Variants in ALDH3A1 observed in about 807,000 individuals in gnomAD.
ALDH3A1 encodes the protein aldehyde dehydrogenase, dimeric NADP-preferring.
A neutral mutation model predicts 49.9 loss-of-function variants in ALDH3A1; 46 were observed. The observed-to-expected ratio is 0.92, with a 90% CI of 0.73 to 1.18. The LOEUF (loss-of-function observed/expected upper bound fraction) is 1.18. Ranked by LOEUF, ALDH3A1 falls within the 50% of genes most tolerant of loss-of-function variation. The pLI is 0.00. For missense variants in ALDH3A1, 592 were observed against 611.8 expected, an observed-to-expected ratio of 0.97 and a Z score of 0.34; for synonymous variants, 269 against 253.3, an observed-to-expected ratio of 1.06 and a Z score of -0.59.
Position 19,748,268 on chromosome 17 carries a change from A to G in ALDH3A1, c.-15T>C, listed in dbSNP as rs1162376366. The stretch of plus-strand genomic sequence containing the variant: ...CAGGGAAGAGGATTACCTTTGACAC[A>G]GCCTCTCCCGGTAACTGGGGCTCCT... On this transcript the variant is annotated 5_prime_UTR_variant, in exon 1 of 11. Coordinates refer to ENST00000225740, the MANE Select transcript of ALDH3A1 (RefSeq NM_000691.5). This position sits in a 1 kb window ranked among gnomAD's most constrained non-coding sequence, Gnocchi z 4.4. 1 of 509,500 alleles carries G rather than the reference A, an allele frequency of 2.0e-6. No homozygotes were observed. The highest frequency in any genetic ancestry group is 5.5e-5 in the East Asian group (1 of 18,072). 31.6% of individuals were successfully genotyped at this position (509,500 alleles called of 1,614,324 possible).
chr17:19,740,525 C>T (rs776920097), intron 6 of ALDH3A1, 48 bp from the exon 7 acceptor site: 2 of 1,604,882 alleles, frequency 1.2e-6, no homozygotes, highest in East Asian at 2.2e-5. Context: ...GAGCCTCGTC[C>T]TGCCCAAAGG....
chr17:19,738,336 G>T lies in ALDH3A1; in HGVS notation c.1334C>A (p.Pro445Gln). The change falls in exon 10 of 11, where the codon CCG (proline) becomes CAG (glutamine). Residue 445 changes from proline (P) to glutamine (Q), a missense_variant. By Grantham distance (76) the Pro-to-Gln change is moderately conservative. Coordinates refer to ENST00000225740, the MANE Select transcript of ALDH3A1 (RefSeq NM_000691.5). ...TCCCCCTCTCACCTTGGCCGGGCTC[G>T]GGGGGTATCTGACCTTCAGGCCTTC... ...NDEGLKVRYPPSPAKMTQH is the reference protein window; with the variant it reads ...NDEGLKVRYPQSPAKMTQH The T allele has an allele frequency of 6.2e-7, 1 of 1,612,852 alleles. No individual in the cohort carries two copies. The highest frequency in any genetic ancestry group is 8.5e-7 in the Non-Finnish European group (1 of 1,179,054).
intron 7 of ALDH3A1, 147 bp downstream of exon 7, chr17:19,740,189 A>G: frequency 9.9e-7 from 1 of 1,010,518 alleles, no homozygotes; most frequent in Non-Finnish European, 1.4e-6. Flanking sequence ...TGCCTGCTGG[A>G]GTCTACCGCA....
At position 19,742,102 on chromosome 17, in the gene ALDH3A1, C is replaced by CATG. The variant is rs751237549; in HGVS notation, c.588_590dup (p.Ile196dup). On this transcript the variant is annotated inframe_insertion, in exon 5 of 11. Coordinates refer to ENST00000225740, the MANE Select transcript of ALDH3A1 (RefSeq NM_000691.5). ...GGGTCAGGTGCTTGGCAGCAGCCGT[C>CATG]ATGATGATCTTCCCCACCCCCGTGC... 4 of 1,614,052 alleles carry CATG rather than the reference C, an allele frequency of 2.5e-6. No homozygotes were observed. In the East Asian group the frequency reaches 8.9e-5, roughly 36 times the overall value.
chr17:19,741,458 G>C (rs1054655090), intron 5 of ALDH3A1: 12 of 457,664 alleles, frequency 2.6e-5, no homozygotes, highest in African/African-American at 2.4e-4. Context: ...CGTGCTCCCT[G>C]ATCACGCCCT....
At chr17:19,741,000 G>T in intron 6 of ALDH3A1, 93 bp downstream of exon 6, 1 of 928,212 alleles carries the variant, frequency 1.1e-6, no homozygotes, top group Non-Finnish European at 1.7e-6. Context: ...AATAAATCCA[G>T]TGTTTCCAAA....
In ALDH3A1 at chr17:19,742,021, G is replaced by T. The variant is rs1029905757; in HGVS notation, c.672C>A (p.Asp224Glu). 6.2e-6 allele frequency: 10 copies of T among 1,613,842 alleles called. No individual in the cohort carries two copies. Among genetic ancestry groups the T allele is most frequent in the Non-Finnish European group, 8.5e-6 (10 of 1,180,006 alleles). ...CCTCTCACCGGCAGGCCACGTCCAGGTCACAGTTCTTGTCCACGTAGCAGG... is the reference window on the plus strand; with the variant it reads ...CCTCTCACCGGCAGGCCACGTCCAGTTCACAGTTCTTGTCCACGTAGCAGG... ...KSPCYVDKNC[D>E]LDVACRRIAW... Residue 224 changes from aspartate to glutamate, a missense_variant, in exon 5 of 11, where the codon GAC (aspartate) becomes GAA (glutamate). By Grantham distance (45) the Asp-to-Glu change is conservative. Transcript: ENST00000225740.
rs2086439317 is a variant in ALDH3A1, at chr17:19,739,000, GC to G, written c.1211del (p.Gly404AlafsTer27). ...HITLHSLPFGGVGNSGMGSYH... is the reference protein window; with the variant it reads ...HITLHSLPFGXVGNSGMGSYH... ...CAAGCTCAGCCCCAGACTCACCCAC[GC>G]CCCCGAAGGGCAGAGAGTGCAAGGT... On this transcript the variant is annotated frameshift_variant, in exon 9 of 11. Coordinates refer to ENST00000225740, the MANE Select transcript of ALDH3A1 (RefSeq NM_000691.5). LOFTEE classifies it high-confidence loss of function. 2 of 1,612,832 alleles carry G rather than the reference GC, an allele frequency of 1.2e-6. No individual in the cohort carries two copies. The highest frequency in any genetic ancestry group is 4.5e-5 in the East Asian group (2 of 44,842).
chr17:19,742,436 A>C (rs2086513389), intron 4 of ALDH3A1, 109 bp downstream of exon 4: 1 of 1,298,168 alleles, frequency 7.7e-7, no homozygotes, highest in African/African-American at 1.5e-5. Flanking sequence ...CAGCCCCACC[A>C]GTAGCTTGGC....
At chr17:19,747,033 A>C (rs2086610409) in intron 1 of ALDH3A1, among the ~76,000 whole-genome samples, 1 of 152,194 alleles carries the variant, frequency 6.6e-6, no homozygotes. Flanking sequence ...CACTGTTACC[A>C]GTTCCTTACT....
At position 19,738,008 on chromosome 17, in the gene ALDH3A1, C is replaced by T. The variant is rs1042183; in HGVS notation, c.*213G>A. 0.38 allele frequency: 569,354 copies of T among 1,479,368 alleles called. 113,899 individuals carry two copies. The highest frequency in any genetic ancestry group is 0.41 in the Non-Finnish European group (456,356 of 1,111,262). 91.6% of individuals were successfully genotyped at this position (1,479,368 alleles called of 1,614,324 possible). ...ATTTGCTGAGTTAGAAAATTGTATT[C>T]GTCTCTTTATTGGTCTAGAAAGGGG... On this transcript the variant is annotated 3_prime_UTR_variant, in exon 11 of 11. Transcript: ENST00000225740.
rs887643470 is a variant in ALDH3A1 at position 19,745,133 on chromosome 17, G to T, written c.-4C>A. On this transcript the variant is annotated splice_region_variant and 5_prime_UTR_variant, in exon 2 of 11. Transcript: ENST00000225740. ...CGGCCTCGCTGATCTTGCTCATGGC[G>T]CCTGGGGACAGAGAGCACCTGCAGC... 2.9e-5 allele frequency: 45 copies of T among 1,570,614 alleles called. No individual in the cohort carries two copies. Among genetic ancestry groups the T allele is most frequent in the Non-Finnish European group, 3.8e-5 (44 of 1,164,830 alleles).
chr17:19,747,177 T>C (rs1190344107), intron 1 of ALDH3A1, among the ~76,000 whole-genome samples: 2 of 152,214 alleles, frequency 1.3e-5, no homozygotes, highest in East Asian at 3.8e-4. Flanking sequence ...TATAGATATA[T>C]GGTCCTGCCT....
At position 19,745,123 on chromosome 17, in the gene ALDH3A1, T is replaced by G. The variant is rs1205013533; in HGVS notation, c.7A>C (p.Lys3Gln). 2.5e-6 allele frequency: 4 copies of G among 1,576,822 alleles called. No individual in the cohort carries two copies. The highest frequency in any genetic ancestry group is 1.4e-5 in the African/African-American group (1 of 73,000). The change falls in exon 2 of 11, where the codon AAG becomes CAG. Residue 3 changes from lysine (K) to glutamine (Q), a missense_variant. By Grantham distance (53) the Lys-to-Gln change is moderately conservative (BLOSUM62 1). Transcript: ENST00000225740. ...GCGCGCTTCACGGCCTCGCTGATCT[T>G]GCTCATGGCGCCTGGGGACAGAGAG... Reference protein sequence around the residue: MSKISEAVKRARA... With the variant: MSQISEAVKRARA...
rs995051882 is a variant in ALDH3A1 at position 19,743,042 on chromosome 17, C to G, written c.394+190G>C. 90 of 1,532,766 alleles carry G rather than the reference C, an allele frequency of 5.9e-5. 3 individuals are homozygous for G. Among genetic ancestry groups the G allele is most frequent in the Non-Finnish European group, 1.6e-5 (18 of 1,145,608 alleles). The allele number at this position is 1,532,766 out of a possible 1,614,324, so 94.9% of individuals were successfully genotyped here. Reference sequence around the variant, plus strand: ...CTCTCTGTATCACCAGGTGTGGACACCTGAGCCTGACTGGACCTCAGGCAC... The same window carrying G: ...CTCTCTGTATCACCAGGTGTGGACAGCTGAGCCTGACTGGACCTCAGGCAC... On this transcript the variant is annotated intron_variant, in intron 3 of 10. Coordinates refer to ENST00000225740, the MANE Select transcript of ALDH3A1 (RefSeq NM_000691.5). This position sits in a 1 kb window ranked among gnomAD's most constrained non-coding sequence, Gnocchi z 4.4.
At chr17:19,740,036 C>A in intron 7 of ALDH3A1, 1 of 460,892 alleles carries the variant, frequency 2.2e-6, no homozygotes, top group South Asian at 3.7e-5. Context: ...GGGCCCCTCA[C>A]GGCTGGGCAC....
At chr17:19,746,705 G>T (rs551851263) in intron 1 of ALDH3A1, among the ~76,000 whole-genome samples, 3 of 151,278 alleles carry the variant, frequency 2.0e-5, no homozygotes, top group Admixed American at 2.0e-4. Context: ...GCGTGCGTGT[G>T]TGTGCATGTG....
At chr17:19,741,602 A>G (rs1047137383) in intron 5 of ALDH3A1, among the ~76,000 whole-genome samples, 5 of 152,090 alleles carry the variant, frequency 3.3e-5, no homozygotes, top group African/African-American at 1.2e-4. Context: ...CCAGACCCCG[A>G]GCAGCGGTGG....
At chr17:19,744,855 G>A in intron 2 of ALDH3A1, 113 bp downstream of exon 2, 3 of 1,356,810 alleles carry the variant, frequency 2.2e-6, no homozygotes, top group Non-Finnish European at 2.8e-6. Flanking sequence ...GAGGGGCCAG[G>A]TGGCCCCAAG....
Sources: gnomAD v4.1 joint callset for allele counts (sites outside exome capture counted in the v4.1 genomes callset) on GRCh38, gnomAD v4.1.1 for gene constraint, Gnocchi (gnomAD v3.1) non-coding constraint, MANE v1.5 for transcripts, NCBI Gene and HGNC (gene_info 2026-07-23, HGNC 2026-07-21) for gene names.